SAMD12: variants seen among roughly 807,000 people sequenced by gnomAD.
The protein encoded by SAMD12 is sterile alpha motif domain containing 12.
In SAMD12, 9 loss-of-function variants were observed where a neutral mutation model predicts 15.0. The ratio of observed to expected loss-of-function variants is 0.60; its 90% CI spans 0.36 to 1.05. The LOEUF is 1.05. Among genes scored for constraint, SAMD12 ranks in the 50% least tolerant of loss-of-function variants. The pLI is 0.01. For missense variants in SAMD12, 230 were observed against 234.2 expected, an observed-to-expected ratio of 0.98 and a Z score of 0.12; for synonymous variants, 86 against 90.1, an observed-to-expected ratio of 0.96 and a Z score of 0.25.
intron 4 of SAMD12, among the ~76,000 whole-genome samples, chr8:118,250,272 C>T (rs774441158): frequency 6.6e-6 from 1 of 152,026 alleles, no homozygotes; most frequent in Non-Finnish European, 1.5e-5. Context: ...AGCTTACCAG[C>T]CTTAGGCAAG....
chr8:118,382,236 C>A (rs1819711068), intron 3 of SAMD12, among the ~76,000 whole-genome samples: 1 of 152,200 alleles, frequency 6.6e-6, no homozygotes, highest in Non-Finnish European at 1.5e-5. Flanking sequence ...CCTTTCTGTT[C>A]CCAATTATTT....
chr8:118,299,987 C>A (rs769625485), intron 4 of SAMD12, among the ~76,000 whole-genome samples: 19 of 152,070 alleles, frequency 1.2e-4, no homozygotes, highest in Non-Finnish European at 1.3e-4. Context: ...TGCCCCTAAA[C>A]CTCAGTTCCT....
chr8:118,568,422 CTTTAA>C (rs899788335), intron 2 of SAMD12, among the ~76,000 whole-genome samples: 24 of 152,060 alleles, frequency 1.6e-4, no homozygotes, highest in African/African-American at 5.1e-4. Context: ...AGGACTTTGG[CTTTAA>C]TTTGAGAAAA....
At chr8:118,443,477 C>CAA (rs5894434) in intron 2 of SAMD12, among the ~76,000 whole-genome samples, 17 of 144,328 alleles carry the variant, frequency 1.2e-4, no homozygotes, top group African/African-American at 4.1e-4. Context: ...AACACTGTCT[C>CAA]AAAAAAAAAA....
intron 3 of SAMD12, among the ~76,000 whole-genome samples, chr8:118,403,244 G>A (rs750897052): frequency 6.6e-6 from 1 of 152,108 alleles, no homozygotes; most frequent in African/African-American, 2.4e-5. Context: ...AAAACAAAGA[G>A]AAAGGAACAA....
intron 2 of SAMD12, among the ~76,000 whole-genome samples, chr8:118,521,667 A>AGTAT (rs58805789): frequency 2.6e-5 from 4 of 151,432 alleles, no homozygotes; most frequent in African/African-American, 9.7e-5. Context: ...TTCTTCCAAG[A>AGTAT]CTGGGCTGTG....
In SAMD12 at chr8:118,421,537, C is replaced by T. The variant is rs114182309; in HGVS notation, c.322+18295G>A. Among the ~76,000 whole-genome samples the T allele has an allele frequency of 5.3e-3, 803 of 152,278 alleles. 10 individuals carry two copies. Among genetic ancestry groups the T allele is most frequent in the African/African-American group, 0.017 (711 of 41,542 alleles). The stretch of plus-strand genomic sequence containing the variant: ...ACCAAAATCTATTAATAGCATTGTT[C>T]TATCCAAATGTGGACACTTTGGGTG... On this transcript the variant is annotated intron_variant, in intron 3 of 3. Transcript: ENST00000314727.
chr8:118,549,890 T>C (rs547125296), intron 2 of SAMD12, among the ~76,000 whole-genome samples: 46 of 152,094 alleles, frequency 3.0e-4, no homozygotes, highest in African/African-American at 1.1e-3. Flanking sequence ...TGCAGAAGCC[T>C]CAGGAGCCGA....
downstream of SAMD12, among the ~76,000 whole-genome samples, chr8:118,375,143 T>C (rs184282198): frequency 4.3e-3 from 658 of 152,242 alleles, 7 homozygotes; most frequent in South Asian, 0.018. Flanking sequence ...TGTCATAGAA[T>C]ATGCAATGAA....
chr8:118,365,054 T>C (rs1448393727), intron 4 of SAMD12, among the ~76,000 whole-genome samples: 1 of 152,216 alleles, frequency 6.6e-6, no homozygotes, highest in East Asian at 1.9e-4. Flanking sequence ...TAGTTGCCAC[T>C]GTCTTCAGGA....
At chr8:118,170,627 T>G in the SAMD12 span, among the ~76,000 whole-genome samples, 2 of 152,072 alleles carry the variant, frequency 1.3e-5, no homozygotes, top group Non-Finnish European at 2.9e-5. Context: ...AAACATCTAT[T>G]TGCAAAACAA....
Position 118,441,202 on chromosome 8 carries a change from T to C in SAMD12, c.193-1241A>G, listed in dbSNP as rs191099618. Among the ~76,000 whole-genome samples, 498 of 152,120 alleles carry C rather than the reference T, an allele frequency of 3.3e-3. 2 individuals are homozygous for C. Among genetic ancestry groups the C allele is most frequent in the Non-Finnish European group, 6.1e-3 (416 of 68,022 alleles). ...TAGTATATCTAGCATCTAATAACTT[T>C]TAAAAACTTTTTAGTGTATTTAAAG... is the stretch of plus-strand genomic sequence containing the variant. On this transcript the variant is annotated intron_variant, in intron 2 of 3. Transcript: ENST00000314727.
At chr8:118,533,698 C>G (rs1825754887) in intron 2 of SAMD12, among the ~76,000 whole-genome samples, 1 of 152,042 alleles carries the variant, frequency 6.6e-6, no homozygotes, top group East Asian at 1.9e-4. Flanking sequence ...GATGTAATGA[C>G]CTTCTTTGTC....
chr8:118,400,110 A>G (rs1268156724), intron 3 of SAMD12, among the ~76,000 whole-genome samples: 2 of 152,222 alleles, frequency 1.3e-5, no homozygotes, highest in African/African-American at 4.8e-5. Flanking sequence ...AATCATAAAT[A>G]CCTATGTATG....
chr8:118,292,492 T>A (rs1814448534), intron 4 of SAMD12, among the ~76,000 whole-genome samples: 1 of 152,084 alleles, frequency 6.6e-6, no homozygotes, highest in Non-Finnish European at 1.5e-5. Context: ...CTTTATTTAG[T>A]CTTCATTCCA....
At chr8:118,386,988 T>TC (rs1292642378) in intron 3 of SAMD12, among the ~76,000 whole-genome samples, 1 of 152,064 alleles carries the variant, frequency 6.6e-6, no homozygotes, top group African/African-American at 2.4e-5. Flanking sequence ...ATTGGACAGT[T>TC]CCCCAAATAA....
chr8:118,182,385 T>C, the SAMD12 span, among the ~76,000 whole-genome samples: 6 of 152,246 alleles, frequency 3.9e-5, no homozygotes, highest in Non-Finnish European at 5.9e-5. Context: ...GTAAATCCTG[T>C]ATCAAATCAC....
chr8:118,515,594 C>T (rs1048271330), intron 2 of SAMD12, among the ~76,000 whole-genome samples: 24 of 152,152 alleles, frequency 1.6e-4, no homozygotes, highest in African/African-American at 5.8e-4. Flanking sequence ...CTGACATACT[C>T]AAGCTGTCCT....
At chr8:118,182,777 A>G in the SAMD12 span, among the ~76,000 whole-genome samples, 1 of 152,212 alleles carries the variant, frequency 6.6e-6, no homozygotes, top group Non-Finnish European at 1.5e-5. Flanking sequence ...TTTGAGAGCG[A>G]CAGCACAAAA....
Sources: gnomAD v4.1 joint callset for allele counts (sites outside exome capture counted in the v4.1 genomes callset) on GRCh38, gnomAD v4.1.1 for gene constraint, MANE v1.5 for transcripts, NCBI Gene and HGNC (gene_info 2026-07-23, HGNC 2026-07-21) for gene names.